Variants in TTC27 observed in about 807,000 individuals in gnomAD.
TTC27 encodes the protein tetratricopeptide repeat protein 27.
TTC27 carries 79 observed loss-of-function variants against 115.9 expected under a neutral mutation model. The observed-to-expected ratio is 0.68, with a 90% CI of 0.57 to 0.82. The LOEUF is 0.82. Ranked by LOEUF, TTC27 falls within the 40% of genes least tolerant of loss-of-function variation. TTC27 has a pLI of 0.00. For synonymous variants in TTC27, 401 were observed against 356.0 expected, an observed-to-expected ratio of 1.13 and a Z score of -1.42; for missense variants, 1,054 against 993.1, an observed-to-expected ratio of 1.06 and a Z score of -0.82.
intron 10 of TTC27, among the ~76,000 whole-genome samples, chr2:32,718,824 A>G (rs534430083): frequency 6.6e-6 from 1 of 152,292 alleles, no homozygotes; most frequent in Admixed American, 6.5e-5. Context: ...AAGGCTCTGA[A>G]CTGGGAATCT....
chr2:32,695,786 C>G (rs1206436259), intron 9 of TTC27, among the ~76,000 whole-genome samples: 1 of 144,316 alleles, frequency 6.9e-6, no homozygotes, highest in Non-Finnish European at 1.5e-5. Flanking sequence ...GTCCCAGCTA[C>G]TCTGTAGGCT....
At chr2:32,754,962 G>A (rs190835853) in intron 12 of TTC27, among the ~76,000 whole-genome samples, 1,550 of 151,618 alleles carry the variant, frequency 0.01, 15 homozygotes, top group Middle Eastern at 0.031. Context: ...CTGGGTGGAG[G>A]GGCTCCTCAC....
At chr2:32,776,617 T>G (rs1670004493) in intron 13 of TTC27, among the ~76,000 whole-genome samples, 1 of 152,180 alleles carries the variant, frequency 6.6e-6, no homozygotes, top group South Asian at 2.1e-4. Context: ...GTTTTTGTTT[T>G]GTTTTGTTTG....
chr2:32,695,718 C>CAAAAA (rs66677186), intron 9 of TTC27, among the ~76,000 whole-genome samples: 1 of 29,706 alleles, frequency 3.4e-5, no homozygotes, highest in Non-Finnish European at 5.5e-5. Flanking sequence ...GGCTCTATCT[C>CAAAAA]AAAAAAAAAA....
intron 18 of TTC27, among the ~76,000 whole-genome samples, chr2:32,815,966 A>T (rs1671488475): frequency 6.6e-6 from 1 of 152,036 alleles, no homozygotes; most frequent in African/African-American, 2.4e-5. Flanking sequence ...TAATGACAGA[A>T]CTCTGTTTTG....
chr2:32,712,729 T>G (rs573453209), intron 10 of TTC27, among the ~76,000 whole-genome samples: 1 of 152,168 alleles, frequency 6.6e-6, no homozygotes, highest in East Asian at 1.9e-4. Context: ...GTATTTTTTA[T>G]AGAGACAAGG....
At position 32,777,958 on chromosome 2, in the gene TTC27, G is replaced by A. The variant is rs17012268; in HGVS notation, c.1757G>A (p.Arg586His). 2.5e-5 allele frequency: 40 copies of A among 1,613,852 alleles called. No homozygotes were observed. The highest frequency in any genetic ancestry group is 1.6e-4 in the East Asian group (7 of 44,870). ...CAAGGTTCAGCAAAGGCATTTCAGC[G>A]CTGTGTGACTCTAGAACCCGATGTA... is the stretch of plus-strand genomic sequence containing the variant. Reference protein sequence around the residue: ...DYQGSAKAFQRCVTLEPDNAE... With the variant: ...DYQGSAKAFQHCVTLEPDNAE... The change falls in exon 14 of 20, where the codon CGC becomes CAC. Residue 586 changes from arginine (R) to histidine (H), a missense_variant. Transcript: ENST00000317907.
intron 14 of TTC27, 44 bp downstream of exon 14, chr2:32,778,024 C>T: frequency 6.3e-7 from 1 of 1,586,636 alleles, no homozygotes; most frequent in Admixed American, 1.7e-5. Flanking sequence ...TCTTTACTCT[C>T]TAAGTTGTTG....
At chr2:32,741,108 A>G (rs1668618613) in intron 12 of TTC27, among the ~76,000 whole-genome samples, 1 of 152,222 alleles carries the variant, frequency 6.6e-6, no homozygotes, top group Admixed American at 6.5e-5. Context: ...TTGATTTTGT[A>G]GCGCCGTCTC....
intron 16 of TTC27, among the ~76,000 whole-genome samples, chr2:32,802,475 T>C (rs879851829): frequency 6.6e-6 from 1 of 151,808 alleles, no homozygotes; most frequent in Non-Finnish European, 1.5e-5. Context: ...AAGACAGGAG[T>C]CTCTCCACAT....
chr2:32,648,874 TG>T (rs1200364521), intron 4 of TTC27, among the ~76,000 whole-genome samples: 1 of 151,990 alleles, frequency 6.6e-6, no homozygotes, highest in East Asian at 1.9e-4. Context: ...TAGCTGGGCA[TG>T]GTGACATGGC....
At chr2:32,698,460 T>TATTATTA (rs1553552677) in intron 9 of TTC27, among the ~76,000 whole-genome samples, 4 of 150,548 alleles carry the variant, frequency 2.7e-5, no homozygotes, top group South Asian at 2.1e-4. Context: ...ATTATTATTT[T>TATTATTA]TTAGCATTTG....
chr2:32,735,535 A>G (rs1350171777), intron 11 of TTC27, among the ~76,000 whole-genome samples: 1 of 152,218 alleles, frequency 6.6e-6, no homozygotes, highest in African/African-American at 2.4e-5. Flanking sequence ...GCAGTTAGAT[A>G]AGGATCATTT....
intron 13 of TTC27, among the ~76,000 whole-genome samples, chr2:32,762,009 A>T (rs1669452918): frequency 6.6e-6 from 1 of 152,212 alleles, no homozygotes; most frequent in South Asian, 2.1e-4. Context: ...AGATAGTCCC[A>T]TTTGCACCAT....
intron 4 of TTC27, among the ~76,000 whole-genome samples, chr2:32,644,806 TC>T (rs779715319): frequency 6.7e-6 from 1 of 148,608 alleles, no homozygotes; most frequent in Non-Finnish European, 1.5e-5. Flanking sequence ...CATTCTTTTT[TC>T]CCTCCCTCCC....
intron 10 of TTC27, among the ~76,000 whole-genome samples, chr2:32,728,270 T>C (rs1668177566): frequency 6.6e-6 from 1 of 152,080 alleles, no homozygotes; most frequent in African/African-American, 2.4e-5. Context: ...CTCGATCTCC[T>C]GATCTTGTGA....
intron 14 of TTC27, among the ~76,000 whole-genome samples, chr2:32,779,222 C>CA (rs71407472): frequency 0.23 from 34,398 of 146,630 alleles, 4,342 homozygotes; most frequent in Middle Eastern, 0.45. Context: ...GATTCTGTCT[C>CA]AAAAAAAAAA....
At chr2:32,767,841 A>C (rs1669691680) in intron 13 of TTC27, among the ~76,000 whole-genome samples, 1 of 152,232 alleles carries the variant, frequency 6.6e-6, no homozygotes. Flanking sequence ...TACCAGGTAC[A>C]TCAGTATACT....
At chr2:32,707,436 T>G (rs1241171107) in intron 10 of TTC27, among the ~76,000 whole-genome samples, 2 of 152,196 alleles carry the variant, frequency 1.3e-5, no homozygotes, top group Non-Finnish European at 2.9e-5. Context: ...CACTGTTGCA[T>G]CGGGCACCAA....
Sources: gnomAD v4.1 joint callset for allele counts (sites outside exome capture counted in the v4.1 genomes callset) on GRCh38, gnomAD v4.1.1 for gene constraint, MANE v1.5 for transcripts, NCBI Gene and HGNC (gene_info 2026-07-23, HGNC 2026-07-21) for gene names.